The following RBFOX1 variants were observed in gnomAD, a reference collection of about 807,000 sequenced individuals.
RBFOX1 encodes RNA binding protein fox-1 homolog 1.
RBFOX1 carries 8 observed loss-of-function variants against 57.7 expected under a neutral mutation model. That is an observed-to-expected ratio of 0.14 (90% confidence interval 0.08 to 0.25). RBFOX1 has a LOEUF of 0.25. RBFOX1 is among the 10% of genes least tolerant of loss of function. The pLI is 1.00. For missense variants in RBFOX1, 611 were observed against 548.5 expected (o/e 1.11, Z -1.14); for synonymous variants, 326 against 222.4 (o/e 1.47, Z -4.15).
intron 1 of RBFOX1, among the ~76,000 whole-genome samples, chr16:5,330,666 A>C (rs1234181203): frequency 6.6e-6 from 1 of 151,208 alleles, no homozygotes; most frequent in African/African-American, 2.4e-5. Context: ...CTGCCTCCCA[A>C]AGTGCTGGGA....
At chr16:6,603,452 C>T (rs958263201) in intron 2 of RBFOX1, among the ~76,000 whole-genome samples, 1 of 152,184 alleles carries the variant, frequency 6.6e-6, no homozygotes, top group African/African-American at 2.4e-5. Flanking sequence ...TCAAAATGGA[C>T]TGTTGATTTA....
At chr16:5,829,052 C>T (rs975852119) in intron 3 of RBFOX1, among the ~76,000 whole-genome samples, 1 of 152,124 alleles carries the variant, frequency 6.6e-6, no homozygotes, top group African/African-American at 2.4e-5. Context: ...TGCTTTCAAG[C>T]CCTTTCCCTG....
intron 4 of RBFOX1, among the ~76,000 whole-genome samples, chr16:7,332,079 T>C (rs1603623560): frequency 6.6e-6 from 1 of 152,156 alleles, no homozygotes; most frequent in African/African-American, 2.4e-5. Context: ...AAACACAAAA[T>C]AAAAGGCATA....
intron 2 of RBFOX1, among the ~76,000 whole-genome samples, chr16:6,531,670 G>T (rs1186952078): frequency 6.6e-6 from 1 of 152,120 alleles, no homozygotes; most frequent in Non-Finnish European, 1.5e-5. Context: ...AGTAGCCCTT[G>T]TCCTGCCTTT....
chr16:5,300,536 T>C (rs1164952186), intron 1 of RBFOX1, among the ~76,000 whole-genome samples: 1 of 152,094 alleles, frequency 6.6e-6, no homozygotes, highest in Non-Finnish European at 1.5e-5. Flanking sequence ...AAAGAAAGTG[T>C]CCTCATCTCT....
chr16:5,834,768 T>G (rs1406271190), intron 3 of RBFOX1, among the ~76,000 whole-genome samples: 1 of 147,400 alleles, frequency 6.8e-6, no homozygotes, highest in African/African-American at 2.6e-5. Context: ...CATACATACA[T>G]GCACAGATGA....
intron 4 of RBFOX1, among the ~76,000 whole-genome samples, chr16:7,053,797 A>G (rs766637052): frequency 5.3e-5 from 8 of 152,188 alleles, no homozygotes; most frequent in East Asian, 3.9e-4. Context: ...TATGGCTCCA[A>G]TAGCCCCATC....
chr16:5,574,426 T>TC (rs2046387383), intron 2 of RBFOX1, among the ~76,000 whole-genome samples: 1 of 7,174 alleles, frequency 1.4e-4, no homozygotes, highest in South Asian at 0.022. Flanking sequence ...CTTTTTTTTC[T>TC]TTTTTTTTTT....
At chr16:5,893,520 T>C (rs1168231096) in intron 4 of RBFOX1, among the ~76,000 whole-genome samples, 10 of 152,188 alleles carry the variant, frequency 6.6e-5, no homozygotes, top group Non-Finnish European at 1.5e-4. Flanking sequence ...CCATCTGTTT[T>C]ATCTGGCTAG....
At chr16:6,981,304 C>G (rs928950073) in intron 3 of RBFOX1, among the ~76,000 whole-genome samples, 1 of 151,940 alleles carries the variant, frequency 6.6e-6, no homozygotes, top group Non-Finnish European at 1.5e-5. Flanking sequence ...TGTGTTTTGT[C>G]CCCCTCTATG....
At chr16:6,585,528 A>C (rs74005133) in intron 2 of RBFOX1, among the ~76,000 whole-genome samples, 10 of 152,148 alleles carry the variant, frequency 6.6e-5, no homozygotes, top group Non-Finnish European at 1.0e-4. Flanking sequence ...CATGTTTTGC[A>C]AGGTCCTTGC....
At chr16:7,308,788 G>A (rs1396918249) in intron 4 of RBFOX1, among the ~76,000 whole-genome samples, 2 of 152,234 alleles carry the variant, frequency 1.3e-5, no homozygotes, top group Admixed American at 6.5e-5. Context: ...AGGCGTTGGG[G>A]AGGGTGGCCC....
At chr16:5,358,172 T>G (rs1424635868) in intron 1 of RBFOX1, among the ~76,000 whole-genome samples, 1 of 152,082 alleles carries the variant, frequency 6.6e-6, no homozygotes, top group Non-Finnish European at 1.5e-5. Flanking sequence ...TTGCCGTTCC[T>G]TGGGTTATAG....
intron 4 of RBFOX1, among the ~76,000 whole-genome samples, chr16:7,271,311 A>C (rs183728029): frequency 6.6e-6 from 1 of 151,078 alleles, no homozygotes; most frequent in Admixed American, 6.6e-5. Context: ...CTGCAAAAAG[A>C]CGGGCCTGGG....
intron 1 of RBFOX1, among the ~76,000 whole-genome samples, chr16:6,219,380 C>T (rs1477678963): frequency 1.3e-5 from 2 of 152,042 alleles, no homozygotes; most frequent in Non-Finnish European, 2.9e-5. Context: ...TCCAGGAGGT[C>T]GAGGCTGCAG....
At chr16:7,022,268 G>A (rs1023299078) in intron 3 of RBFOX1, among the ~76,000 whole-genome samples, 6 of 150,970 alleles carry the variant, frequency 4.0e-5, no homozygotes, top group East Asian at 2.0e-4. Flanking sequence ...GGCCAGGTTC[G>A]TCTTGAACTC....
Position 7,166,501 on chromosome 16 carries a change from T to G in RBFOX1, c.27+114403T>G, listed in dbSNP as rs769943898. On this transcript the variant is annotated intron_variant, in intron 4 of 15. Transcript: ENST00000550418. ...ACAGGGTGGGTAGGAAGATCAGAGG[T>G]TGGAGAAGAAGGAACAGGATGGCCT... Among the ~76,000 whole-genome samples the G allele has an allele frequency of 6.3e-4, 95 of 151,534 alleles. 3 individuals carry two copies. Among genetic ancestry groups the G allele is most frequent in the Non-Finnish European group, 2.7e-4 (18 of 67,830 alleles).
intron 1 of RBFOX1, among the ~76,000 whole-genome samples, chr16:6,276,488 G>A (rs1283690449): frequency 6.6e-6 from 1 of 152,104 alleles, no homozygotes; most frequent in Non-Finnish European, 1.5e-5. Context: ...ACAGGAGTGT[G>A]CCACCATGCC....
chr16:5,592,387 A>G (rs1388604820), intron 2 of RBFOX1, among the ~76,000 whole-genome samples: 1 of 149,442 alleles, frequency 6.7e-6, no homozygotes, highest in Non-Finnish European at 1.5e-5. Flanking sequence ...AATTAGAAGG[A>G]TCTTCACTAC....
Sources: allele counts gnomAD v4.1 joint callset (sites outside exome capture counted in the v4.1 genomes callset), GRCh38; gene constraint gnomAD v4.1.1; transcripts MANE v1.5; gene names NCBI Gene and HGNC (gene_info 2026-07-23, HGNC 2026-07-21).